The following SPAG16 variants were observed in gnomAD, a reference collection of about 807,000 sequenced individuals.
SPAG16 encodes the protein sperm-associated antigen 16 protein.
SPAG16 carries 86 observed loss-of-function variants against 80.4 expected under a neutral mutation model. That is an observed-to-expected ratio of 1.07 (90% CI 0.90 to 1.28). The LOEUF (loss-of-function observed/expected upper bound fraction) is 1.28, where lower values mean the gene tolerates loss of function less well. SPAG16 is among the 50% of genes most tolerant of loss of function. The probability of loss-of-function intolerance (pLI) is 0.00; values close to 1 mark genes in which losing one functional copy is unlikely to be tolerated. For synonymous variants in SPAG16, 294 were observed against 265.9 expected, an observed-to-expected ratio of 1.11 and a Z score of -1.03; for missense variants, 870 against 765.3, an observed-to-expected ratio of 1.14 and a Z score of -1.61.
chr2:213,456,986 A>AT lies in SPAG16; in HGVS notation c.943-32966dup, dbSNP rs932669036. ...GATTTTTTTGAGTTATGTGTCCTTC[A>AT]TTTTTTTTTTTAAATGTTGTGTAGG... is the stretch of plus-strand genomic sequence containing the variant. On this transcript the variant is annotated intron_variant, in intron 9 of 15. Coordinates refer to ENST00000331683, the MANE Select transcript of SPAG16 (RefSeq NM_024532.5). Among the ~76,000 whole-genome samples, 121 of 141,078 alleles carry AT rather than the reference A, an allele frequency of 8.6e-4. 1 individual carries two copies. The highest frequency in any genetic ancestry group is 1.0e-3 in the Non-Finnish European group (67 of 64,162). The allele number at this position is 141,078 out of a possible 152,430, so 92.6% of individuals were successfully genotyped here.
In SPAG16 at chr2:213,377,319, A is replaced by C. The variant is rs115476738; in HGVS notation, c.942+2200A>C. On this transcript the variant is annotated intron_variant, in intron 9 of 15. Transcript: ENST00000331683. ...TTGAACAACTAGAACAGTGAGGTGT[A>C]ATCATAATAACAACTTTATTTATGT... Among the ~76,000 whole-genome samples the C allele has an allele frequency of 5.9e-3, 902 of 152,340 alleles. 6 individuals carry two copies. Among genetic ancestry groups the C allele is most frequent in the Admixed American group, 9.9e-3 (151 of 15,298 alleles).
intron 13 of SPAG16, among the ~76,000 whole-genome samples, chr2:214,068,856 A>AT (rs139488402): frequency 4.3e-4 from 65 of 150,844 alleles, no homozygotes; most frequent in Non-Finnish European, 7.8e-4. Flanking sequence ...GCTTAGTCTC[A>AT]TTTTTTTTTC....
At chr2:213,998,932 C>A (rs1397006499) in intron 12 of SPAG16, among the ~76,000 whole-genome samples, 1 of 152,098 alleles carries the variant, frequency 6.6e-6, no homozygotes, top group Non-Finnish European at 1.5e-5. Flanking sequence ...CAAGAAATTT[C>A]TAAGCAGTAA....
At chr2:213,493,307 T>C (rs1444289535) in intron 10 of SPAG16, among the ~76,000 whole-genome samples, 3 of 152,214 alleles carry the variant, frequency 2.0e-5, no homozygotes, top group African/African-American at 7.2e-5. Flanking sequence ...TTTATCAAAA[T>C]GTGTTTTTAT....
chr2:214,258,238 C>A (rs189244674), intron 15 of SPAG16, among the ~76,000 whole-genome samples: 1 of 151,538 alleles, frequency 6.6e-6, no homozygotes, highest in African/African-American at 2.4e-5. Flanking sequence ...TTATTCCTCA[C>A]CCCCCTCCCA....
intron 10 of SPAG16, among the ~76,000 whole-genome samples, chr2:213,771,264 G>A (rs1375038427): frequency 6.6e-6 from 1 of 151,990 alleles, no homozygotes; most frequent in Non-Finnish European, 1.5e-5. Flanking sequence ...GTCTTCTTTT[G>A]AAAAGTGTCT....
intron 14 of SPAG16, among the ~76,000 whole-genome samples, chr2:214,115,220 C>T (rs1237683810): frequency 6.6e-6 from 1 of 152,166 alleles, no homozygotes; most frequent in African/African-American, 2.4e-5. Flanking sequence ...GGTTGAGAAG[C>T]AGCTGTGACT....
intron 11 of SPAG16, among the ~76,000 whole-genome samples, chr2:213,915,431 C>T (rs1287793622): frequency 2.6e-5 from 4 of 152,114 alleles, no homozygotes; most frequent in Non-Finnish European, 4.4e-5. Context: ...TTTCCAGCTT[C>T]ATCCTTGTCC....
intron 10 of SPAG16, among the ~76,000 whole-genome samples, chr2:213,694,388 G>C (rs2065074234): frequency 6.6e-6 from 1 of 152,072 alleles, no homozygotes; most frequent in South Asian, 2.1e-4. Flanking sequence ...ATTTTACTAT[G>C]CACTCACTTT....
intron 15 of SPAG16, among the ~76,000 whole-genome samples, chr2:214,180,180 A>T (rs942583089): frequency 2.0e-5 from 3 of 151,634 alleles, no homozygotes; most frequent in Non-Finnish European, 4.4e-5. Flanking sequence ...AGTAATTCAG[A>T]GGGAAACTGG....
In SPAG16 at chr2:213,689,528, C is replaced by CTTTTTT. The variant is rs397873153; in HGVS notation, c.1071-172935_1071-172930dup. Among the ~76,000 whole-genome samples, 6 of 54,234 alleles carry CTTTTTT rather than the reference C, an allele frequency of 1.1e-4. 1 individual carries two copies. The highest frequency in any genetic ancestry group is 1.6e-4 in the Non-Finnish European group (5 of 30,854). The allele number at this position is 54,234 out of a possible 152,430, so 35.6% of individuals were successfully genotyped here. A position where few individuals can be genotyped will look rare whatever the true frequency, so the allele number is the denominator to read the frequency against. The stretch of plus-strand genomic sequence containing the variant: ...CTTAGAACAGAATTTAGTGCTGGGG[C>CTTTTTT]TTTTTTTTTTTTTTTTTTTTTTTTT... On this transcript the variant is annotated intron_variant, in intron 10 of 15. Transcript: ENST00000331683.
chr2:214,085,331 A>T (rs1334972545), intron 13 of SPAG16, among the ~76,000 whole-genome samples: 1 of 151,300 alleles, frequency 6.6e-6, no homozygotes, highest in African/African-American at 2.4e-5. Flanking sequence ...AAGATCTGAC[A>T]TCAAGCCAAT....
chr2:214,020,462 T>C (rs2047806613), intron 13 of SPAG16, among the ~76,000 whole-genome samples: 1 of 152,108 alleles, frequency 6.6e-6, no homozygotes, highest in African/African-American at 2.4e-5. Context: ...GACCAAAAAA[T>C]AACAATGACA....
At chr2:213,348,905 C>T (rs941362815) in intron 6 of SPAG16, among the ~76,000 whole-genome samples, 3 of 152,078 alleles carry the variant, frequency 2.0e-5, no homozygotes, top group East Asian at 1.9e-4. Flanking sequence ...TCTGTATTTC[C>T]TTCTACTTTG....
chr2:213,650,008 T>C (rs2062965268), intron 10 of SPAG16, among the ~76,000 whole-genome samples: 1 of 152,098 alleles, frequency 6.6e-6, no homozygotes, highest in Non-Finnish European at 1.5e-5. Flanking sequence ...CAATCCTTTT[T>C]ATGAAAAGGA....
At chr2:213,926,918 C>A (rs1352304758) in intron 11 of SPAG16, among the ~76,000 whole-genome samples, 1 of 152,150 alleles carries the variant, frequency 6.6e-6, no homozygotes, top group African/African-American at 2.4e-5. Flanking sequence ...CAGCGTGGAT[C>A]TACATTATTA....
chr2:213,991,912 G>A (rs1049895021), intron 12 of SPAG16, among the ~76,000 whole-genome samples: 9 of 145,504 alleles, frequency 6.2e-5, no homozygotes, highest in Non-Finnish European at 1.4e-4. Context: ...AGTGATTCAC[G>A]GGCACTGCTG....
At chr2:214,175,535 T>C (rs1003419612) in intron 15 of SPAG16, among the ~76,000 whole-genome samples, 4 of 151,044 alleles carry the variant, frequency 2.6e-5, no homozygotes, top group African/African-American at 7.3e-5. Flanking sequence ...TCTTGGCTAG[T>C]GGAGATCGGG....
At chr2:213,529,275 A>G (rs1331513386) in intron 10 of SPAG16, among the ~76,000 whole-genome samples, 1 of 152,166 alleles carries the variant, frequency 6.6e-6, no homozygotes, top group African/African-American at 2.4e-5. Context: ...ACCTCAGAAT[A>G]AATTGTGGTC....
Sources: gnomAD v4.1 joint callset for allele counts (sites outside exome capture counted in the v4.1 genomes callset) on GRCh38, gnomAD v4.1.1 for gene constraint, MANE v1.5 for transcripts, NCBI Gene and HGNC (gene_info 2026-07-23, HGNC 2026-07-21) for gene names.